AGT: variants seen among roughly 807,000 people sequenced by gnomAD.
The protein encoded by AGT is alpha-1 antiproteinase, antitrypsin.
A neutral mutation model predicts 28.1 loss-of-function variants in AGT; 26 were observed. That is an observed-to-expected ratio of 0.92 (90% CI 0.68 to 1.28). The LOEUF (loss-of-function observed/expected upper bound fraction) is 1.28, where lower values mean the gene tolerates loss of function less well. AGT is among the 50% of genes most tolerant of loss of function. The pLI is 0.00. For missense variants in AGT, 596 were observed against 592.3 expected, an observed-to-expected ratio of 1.01 and a Z score of -0.06; for synonymous variants, 259 against 259.6, an observed-to-expected ratio of 1.00 and a Z score of 0.02.
At chr1:230,731,845 T>G (rs1428545172) in intron 1 of AGT, among the ~76,000 whole-genome samples, 1 of 151,966 alleles carries the variant, frequency 6.6e-6, no homozygotes, top group Non-Finnish European at 1.5e-5. Flanking sequence ...CTAAACTGGG[T>G]GACAGAGTGA....
rs7080 is a variant in AGT at position 230,705,941 on chromosome 1, T to G, written c.1089A>C (p.Leu363=). 6.2e-7 allele frequency: 1 copy of G among 1,613,908 alleles called. No individual in the cohort carries two copies. The highest frequency in any genetic ancestry group is 8.5e-7 in the Non-Finnish European group (1 of 1,179,942). The change falls in exon 3 of 5, where the codon CTA becomes CTC. Residue 363 remains leucine (L), a synonymous_variant. Transcript: ENST00000366667. ...GACCGGGAGGCTCCTACCGGGGAGA[T>G]AGTTTCTTCATCCAGTTGAGGGAGT... is the stretch of plus-strand genomic sequence containing the variant. ...QQNSLNWMKK[L]SPRTIHLTMP...
rs150075059 is a variant in AGT, at chr1:230,707,550, C to T, written c.830-1350G>A. Among the ~76,000 whole-genome samples the T allele has an allele frequency of 4.7e-3, 713 of 152,282 alleles. 6 individuals carry two copies. The highest frequency in any genetic ancestry group is 0.017 in the African/African-American group (686 of 41,558). On this transcript the variant is annotated intron_variant, in intron 2 of 4. Transcript: ENST00000366667. The stretch of plus-strand genomic sequence containing the variant: ...GTCTCGTAAGAAGGCAGTGGCAGAC[C>T]TGGCATATTTCTCGTCCTCAGTCCT...
chr1:230,705,870 C>A lies in AGT; in HGVS notation c.1097+63G>T, dbSNP rs555708850. 4 of 1,598,710 alleles carry A rather than the reference C, an allele frequency of 2.5e-6. No individual in the cohort carries two copies. The South Asian group carries it at 3.3e-5, about 13-fold the overall frequency. ...GCTCAGGTGTGTCTACTCCCCACCCCGCCCCCAGCCTGGGCAGGACAGTGT... is the reference window on the plus strand; with the variant it reads ...GCTCAGGTGTGTCTACTCCCCACCCAGCCCCCAGCCTGGGCAGGACAGTGT... On this transcript the variant is annotated intron_variant, in intron 3 of 4. Transcript: ENST00000366667.
chr1:230,722,171 T>C (rs1663858336), intron 1 of AGT, among the ~76,000 whole-genome samples: 1 of 152,228 alleles, frequency 6.6e-6, no homozygotes, highest in Non-Finnish European at 1.5e-5. Flanking sequence ...GCTCAGGCCA[T>C]TGCTTCAGAG....
At chr1:230,728,981 G>C (rs1664003056) in intron 1 of AGT, among the ~76,000 whole-genome samples, 1 of 152,206 alleles carries the variant, frequency 6.6e-6, no homozygotes, top group Admixed American at 6.5e-5. Context: ...TATCACTCGT[G>C]AAAAGCCTTC....
At position 230,706,154 on chromosome 1, in the gene AGT, C is replaced by T. The variant is rs1663380603; in HGVS notation, c.876G>A (p.Trp292Ter). The T allele has an allele frequency of 1.2e-6, 2 of 1,613,868 alleles. No homozygotes were observed. The highest frequency in any genetic ancestry group is 1.3e-5 in the African/African-American group (1 of 74,896). The change falls in exon 3 of 5, where the codon TGG becomes TGA. Residue 292 changes from tryptophan (W) to a stop codon, truncating the protein, a stop_gained. Coordinates refer to ENST00000366667, the MANE Select transcript of AGT (RefSeq NM_001384479.1). LOFTEE classifies it high-confidence loss of function. ...FSLLAEPQEF[W>*]VDNSTSVSVP... ...CAGACACTGAGGTGCTGTTGTCCAC[C>T]CAGAACTCCTGGGGCTCGGCCAGCA...
chr1:230,717,055 A>G (rs1663750990), upstream of AGT, among the ~76,000 whole-genome samples: 1 of 142,398 alleles, frequency 7.0e-6, no homozygotes, highest in South Asian at 2.5e-4. Context: ...CCACTTTGAC[A>G]CAGCCCTAGA....
chr1:230,705,500 C>A lies in AGT; in HGVS notation c.1097+433G>T, dbSNP rs1007730954. On this transcript the variant is annotated intron_variant, in intron 3 of 4. Coordinates refer to ENST00000366667, the MANE Select transcript of AGT (RefSeq NM_001384479.1). ...GCGTTCTGGAGTCAAGGGACGCTCC[C>A]TGAGAAGGCCCCACCCCCGCTCACG... 2.0e-5 allele frequency among the ~76,000 whole-genome samples: 3 copies of A among 152,166 alleles called. No individual in the cohort carries two copies. In the South Asian group the frequency reaches 6.2e-4, roughly 32 times the overall value.
chr1:230,705,839 G>T, intron 3 of AGT, 94 bp downstream of exon 3: 1 of 1,533,764 alleles, frequency 6.5e-7, no homozygotes, highest in Non-Finnish European at 9.0e-7. Context: ...CTGCACCCAA[G>T]GCTCAGCTCA....
intron 1 of AGT, among the ~76,000 whole-genome samples, chr1:230,744,073 C>T (rs932728093): frequency 7.9e-5 from 12 of 152,284 alleles, no homozygotes; most frequent in East Asian, 3.9e-4. Flanking sequence ...TCTAGGCTAG[C>T]GACAAGCTGG....
At chr1:230,726,022 G>A (rs774667768) in intron 1 of AGT, among the ~76,000 whole-genome samples, 3 of 152,176 alleles carry the variant, frequency 2.0e-5, no homozygotes, top group Non-Finnish European at 2.9e-5. Context: ...AATTCACAAT[G>A]TCTGGGGCTG....
chr1:230,726,892 C>G (rs1308541711), intron 1 of AGT, among the ~76,000 whole-genome samples: 1 of 152,222 alleles, frequency 6.6e-6, no homozygotes, highest in African/African-American at 2.4e-5. Context: ...CCACACCACT[C>G]TCTCATATCT....
chr1:230,744,353 C>T (rs569447014), intron 1 of AGT, among the ~76,000 whole-genome samples: 3 of 152,218 alleles, frequency 2.0e-5, no homozygotes, highest in Non-Finnish European at 4.4e-5. Context: ...TCCTGCCCTG[C>T]ACTGGGCTGA....
At chr1:230,722,793 T>A (rs558104841) in intron 1 of AGT, among the ~76,000 whole-genome samples, 8 of 152,232 alleles carry the variant, frequency 5.3e-5, no homozygotes, top group Non-Finnish European at 7.3e-5. Flanking sequence ...TTTTACAGGC[T>A]CCTAGGCAGA....
At chr1:230,723,860 G>A (rs1357412266) in intron 1 of AGT, among the ~76,000 whole-genome samples, 3 of 152,112 alleles carry the variant, frequency 2.0e-5, no homozygotes, top group Non-Finnish European at 4.4e-5. Context: ...TGCATTGTTG[G>A]TACACAGAGC....
At chr1:230,720,997 C>T (rs80255680) in intron 1 of AGT, among the ~76,000 whole-genome samples, 1 of 152,200 alleles carries the variant, frequency 6.6e-6, no homozygotes, top group Non-Finnish European at 1.5e-5. Context: ...CCAGGGGGGC[C>T]GATTGGGTGA....
rs1301894537 is a variant in AGT at position 230,710,312 on chromosome 1, A to G, written c.512T>C (p.Val171Ala). 7.4e-6 allele frequency: 12 copies of G among 1,613,876 alleles called. No individual in the cohort carries two copies. The highest frequency in any genetic ancestry group is 1.0e-5 in the Non-Finnish European group (12 of 1,180,014). ...CTGTACAGCCTGCAGGGCAGACAGG[A>G]CCTTGTGCGCATCCAGCCGGGAGGT... ...NCTSRLDAHK[V>A]LSALQAVQGL... Residue 171 changes from valine (V) to alanine (A), a missense_variant, in exon 2 of 5, where the codon GTC (valine) becomes GCC (alanine). Val to Ala is a moderately conservative substitution (Grantham distance 64). Transcript: ENST00000366667.
Position 230,702,998 on chromosome 1 carries a change from C to T in AGT, c.*143G>A. 1 of 946,866 alleles carries T rather than the reference C, an allele frequency of 1.1e-6. No individual in the cohort carries two copies. Among genetic ancestry groups the T allele is most frequent in the South Asian group, 1.7e-5 (1 of 59,746 alleles). The allele number at this position is 946,866 out of a possible 1,614,324, so 58.7% of individuals were successfully genotyped here. ...AAGGAGAAACGGCTGCTTTCCAGCT[C>T]AAAGTCGACTCATTAGAAGAAAAGG... On this transcript the variant is annotated 3_prime_UTR_variant, in exon 5 of 5. Coordinates refer to ENST00000366667, the MANE Select transcript of AGT (RefSeq NM_001384479.1).
Position 230,707,155 on chromosome 1 carries a change from C to A in AGT, c.830-955G>T, listed in dbSNP as rs145489413. Among the ~76,000 whole-genome samples the A allele has an allele frequency of 3.1e-3, 468 of 152,338 alleles. 13 individuals carry two copies. The highest frequency in any genetic ancestry group is 0.028 in the Admixed American group (435 of 15,306). ...AGGGCCGTGCAGATGACAGAGAACT[C>A]GGGAGAGCCCGTTGTGGGAGAAGGA... On this transcript the variant is annotated intron_variant, in intron 2 of 4. Transcript: ENST00000366667.
Sources: gnomAD v4.1 joint callset for allele counts (sites outside exome capture counted in the v4.1 genomes callset) on GRCh38, gnomAD v4.1.1 for gene constraint, MANE v1.5 for transcripts, NCBI Gene and HGNC (gene_info 2026-07-23, HGNC 2026-07-21) for gene names.